Variants in ELOVL3 observed in about 807,000 individuals in gnomAD.
ELOVL3 encodes very long chain fatty acid elongase 3.
A neutral mutation model predicts 14.9 loss-of-function variants in ELOVL3; 11 were observed. The ratio of observed to expected loss-of-function variants is 0.74; its 90% confidence interval spans 0.46 to 1.22. The LOEUF is 1.22. Ranked by LOEUF, ELOVL3 falls within the 50% of genes most tolerant of loss-of-function variation. The probability of loss-of-function intolerance (pLI) is 0.00; values close to 1 mark genes in which losing one functional copy is unlikely to be tolerated. For missense variants in ELOVL3, 277 were observed against 338.9 expected, an observed-to-expected ratio of 0.82 and a Z score of 1.43; for synonymous variants, 117 against 124.7, an observed-to-expected ratio of 0.94 and a Z score of 0.41.
intron 1 of ELOVL3, among the ~76,000 whole-genome samples, chr10:102,227,225 T>A (rs997000955): frequency 6.6e-6 from 1 of 152,030 alleles, no homozygotes; most frequent in African/African-American, 2.4e-5. Context: ...ACATTCTTCT[T>A]ACGCCACAGC....
At chr10:102,228,304 C>T in intron 2 of ELOVL3, 113 bp from the exon 3 acceptor site, 1 of 1,146,082 alleles carries the variant, frequency 8.7e-7, no homozygotes, top group South Asian at 1.5e-5. Flanking sequence ...CCCCTGTGGA[C>T]AGGTGGGGAG....
chr10:102,228,387 C>T (rs895352411), intron 2 of ELOVL3, 30 bp from the exon 3 acceptor site: 3 of 1,609,220 alleles, frequency 1.9e-6, no homozygotes, highest in Non-Finnish European at 1.7e-6. Flanking sequence ...GGGGATGACA[C>T]TTACACCATC....
chr10:102,228,691 C>G (rs1397188027), intron 3 of ELOVL3, 123 bp downstream of exon 3: 2 of 1,422,870 alleles, frequency 1.4e-6, no homozygotes, highest in East Asian at 4.6e-5. Flanking sequence ...ACCTCTCACC[C>G]AAGCCCCTCT....
chr10:102,226,727 A>G lies in ELOVL3; in HGVS notation c.101+78A>G, dbSNP rs376518560. 133 of 980,742 alleles carry G rather than the reference A, an allele frequency of 1.4e-4. 1 individual carries two copies. In the African/African-American group the frequency reaches 1.8e-3, roughly 13 times the overall value. The allele number at this position is 980,742 out of a possible 1,614,324, so 60.8% of individuals were successfully genotyped here. On this transcript the variant is annotated intron_variant, in intron 1 of 3. Coordinates refer to ENST00000370005, the MANE Select transcript of ELOVL3 (RefSeq NM_152310.3). ...GAGGGGGTGGCATTGAATGCCCACA[A>G]TGATTTTCTTACAGAGCAGAGTTAT...
At position 102,226,424 on chromosome 10, in the gene ELOVL3, C is replaced by A; in HGVS notation, c.-125C>A. 1 of 652,572 alleles carries A rather than the reference C, an allele frequency of 1.5e-6. No homozygotes were observed. Among genetic ancestry groups the A allele is most frequent in the Non-Finnish European group, 2.6e-6 (1 of 377,674 alleles). The allele number at this position is 652,572 out of a possible 1,614,324, so 40.4% of individuals were successfully genotyped here. Reference sequence around the variant, plus strand: ...ATGCCTAGGTTCGACGCCCTCCTCCCTTTGCCCAGGAGTTCCTTCTGTCCC... The same window carrying A: ...ATGCCTAGGTTCGACGCCCTCCTCCATTTGCCCAGGAGTTCCTTCTGTCCC... On this transcript the variant is annotated 5_prime_UTR_variant, in exon 1 of 4. Coordinates refer to ENST00000370005, the MANE Select transcript of ELOVL3 (RefSeq NM_152310.3).
rs113292997 is a variant in ELOVL3 at position 102,226,368 on chromosome 10, G to A, written c.-181G>A. Reference sequence around the variant, plus strand: ...CCGCGTTATATATCGCAGTGGCTGCGCCCGGGATAGCTGGCTGCGCCGCCG... The same window carrying A: ...CCGCGTTATATATCGCAGTGGCTGCACCCGGGATAGCTGGCTGCGCCGCCG... On this transcript the variant is annotated 5_prime_UTR_variant, in exon 1 of 4. Coordinates refer to ENST00000370005, the MANE Select transcript of ELOVL3 (RefSeq NM_152310.3). The A allele has an allele frequency of 1.4e-3, 771 of 568,952 alleles. 4 individuals are homozygous for A. The highest frequency in any genetic ancestry group is 0.013 in the African/African-American group (677 of 52,418). The allele number at this position is 568,952 out of a possible 1,614,324, so 35.2% of individuals were successfully genotyped here.
In ELOVL3 at chr10:102,229,376, C is replaced by T; in HGVS notation, c.*124C>T. On this transcript the variant is annotated 3_prime_UTR_variant, in exon 4 of 4. Transcript: ENST00000370005. ...ATGGTTTCCCCAGAGGATGTGTGCC[C>T]CAAGGTGGCTGGAATTTTTGACAGA... 1.0e-6 allele frequency: 1 copy of T among 952,926 alleles called. No individual in the cohort carries two copies. Among genetic ancestry groups the T allele is most frequent in the Middle Eastern group, 3.0e-4 (1 of 3,298 alleles). 59.0% of individuals were successfully genotyped at this position (952,926 alleles called of 1,614,324 possible). A position where few individuals can be genotyped will look rare whatever the true frequency, so the allele number is the denominator to read the frequency against.
chr10:102,228,231 C>A (rs915081060), intron 2 of ELOVL3, among the ~76,000 whole-genome samples, 186 bp from the exon 3 acceptor site: 1 of 152,182 alleles, frequency 6.6e-6, no homozygotes, highest in African/African-American at 2.4e-5. Flanking sequence ...CAGCCCTCGT[C>A]TCCTCTAGAC....
In ELOVL3 at chr10:102,228,508, G is replaced by A. The variant is rs36103207; in HGVS notation, c.325G>A (p.Asp109Asn). 0.037 allele frequency: 59,861 copies of A among 1,614,008 alleles called. 1,288 individuals are homozygous for A. Among genetic ancestry groups the A allele is most frequent in the Non-Finnish European group, 0.042 (49,484 of 1,179,942 alleles). The change falls in exon 3 of 4, where the codon GAT becomes AAT. Residue 109 changes from aspartate (D) to asparagine (N), a missense_variant. Transcript: ENST00000370005. ...KQTVCFINFI[D>N]NSTVKFWSWV... ...AACCGTGTGCTTCATCAACTTCATC[G>A]ATAATTCCACAGTCAAATTCTGGTC... is the stretch of plus-strand genomic sequence containing the variant.
At chr10:102,228,355 G>A (rs1336359569) in intron 2 of ELOVL3, 62 bp from the exon 3 acceptor site, 7 of 1,569,968 alleles carry the variant, frequency 4.5e-6, no homozygotes, top group South Asian at 2.3e-5. Flanking sequence ...CAAGCCGGGG[G>A]AAGGGTGGAT....
chr10:102,226,759 C>T, intron 1 of ELOVL3, 110 bp downstream of exon 1: 2 of 728,956 alleles, frequency 2.7e-6, no homozygotes, highest in Non-Finnish European at 4.7e-6. Context: ...TTATGGGACT[C>T]CCTTGTACTG....
rs1031013684 is a variant in ELOVL3, at chr10:102,229,324, G to A, written c.*72G>A. ...CACCAAGAGGCTGGGCTTAGTTTTGGGAGAATGATTAGGTTGCCTTACCTG... is the reference window on the plus strand; with the variant it reads ...CACCAAGAGGCTGGGCTTAGTTTTGAGAGAATGATTAGGTTGCCTTACCTG... On this transcript the variant is annotated 3_prime_UTR_variant, in exon 4 of 4. Coordinates refer to ENST00000370005, the MANE Select transcript of ELOVL3 (RefSeq NM_152310.3). The A allele has an allele frequency of 2.8e-6, 4 of 1,441,284 alleles. No homozygotes were observed. The Admixed American group carries it at 8.7e-5, about 31-fold the overall frequency. 89.3% of individuals were successfully genotyped at this position (1,441,284 alleles called of 1,614,324 possible).
Position 102,226,590 on chromosome 10 carries a change from G to T in ELOVL3, c.42G>T (p.Leu14=), listed in dbSNP as rs747786133. Residue 14 remains leucine, a synonymous_variant, in exon 1 of 4, where the codon CTG becomes CTT. Transcript: ENST00000370005. Reference sequence around the variant, plus strand: ...ATGTCTCACATGAAGTAAATCAGCTGTTCCAGCCCTATAACTTCGAGCTGT... The same window carrying T: ...ATGTCTCACATGAAGTAAATCAGCTTTTCCAGCCCTATAACTTCGAGCTGT... The part of the protein sequence containing the change: ...AMNVSHEVNQ[L]FQPYNFELSK... 13 of 1,614,110 alleles carry T rather than the reference G, an allele frequency of 8.1e-6. No individual in the cohort carries two copies. The highest frequency in any genetic ancestry group is 1.1e-5 in the Non-Finnish European group (13 of 1,180,000).
intron 3 of ELOVL3, 57 bp from the exon 4 acceptor site, chr10:102,228,768 T>G: frequency 6.5e-7 from 1 of 1,534,858 alleles, no homozygotes. Context: ...CTACATCCAG[T>G]GCAGAGGGTG....
chr10:102,226,694 C>CCTGGCAT, intron 1 of ELOVL3, 45 bp downstream of exon 1: 1 of 1,457,532 alleles, frequency 6.9e-7, no homozygotes, highest in Non-Finnish European at 9.6e-7. Flanking sequence ...GCCCCGGGGC[C>CCTGGCAT]GGGGCGCGAG....
intron 2 of ELOVL3, among the ~76,000 whole-genome samples, 183 bp from the exon 3 acceptor site, chr10:102,228,234 C>T (rs975020679): frequency 6.6e-6 from 1 of 152,170 alleles, no homozygotes; most frequent in Non-Finnish European, 1.5e-5. Flanking sequence ...CCCTCGTCTC[C>T]TCTAGACTAC....
chr10:102,228,651 G>A lies in ELOVL3; in HGVS notation c.385+83G>A, dbSNP rs2070161218. 5 of 1,540,066 alleles carry A rather than the reference G, an allele frequency of 3.2e-6. No homozygotes were observed. In the East Asian group the frequency reaches 1.1e-4, roughly 35 times the overall value. The stretch of plus-strand genomic sequence containing the variant: ...CCTCCCTTCACCCATCCCATGGAGG[G>A]TCTCTTTCCTACCCTTGGGTCCCAA... On this transcript the variant is annotated intron_variant, in intron 3 of 3. Transcript: ENST00000370005.
At chr10:102,226,221 A>G (rs894533576), upstream of ELOVL3, 6 of 244,124 alleles carry the variant, frequency 2.5e-5, no homozygotes, top group Admixed American at 5.7e-5. Flanking sequence ...GCCCTTGAGT[A>G]TGACCAATCA....
Position 102,229,527 on chromosome 10 carries a change from AT to A in ELOVL3, c.*278del. The A allele has an allele frequency of 3.3e-6, 1 of 306,334 alleles. No homozygotes were observed. The highest frequency in any genetic ancestry group is 7.9e-5 in the South Asian group (1 of 12,736). The allele number at this position is 306,334 out of a possible 1,614,324, so 19.0% of individuals were successfully genotyped here. On this transcript the variant is annotated 3_prime_UTR_variant, in exon 4 of 4. Coordinates refer to ENST00000370005, the MANE Select transcript of ELOVL3 (RefSeq NM_152310.3). The stretch of plus-strand genomic sequence containing the variant: ...GAGGGTCCTAAGAGCTGATTATTTA[AT>A]TTCTATCCAGAAATCTTTCTTCTTC...
Sources: gnomAD v4.1 joint callset for allele counts (sites outside exome capture counted in the v4.1 genomes callset) on GRCh38, gnomAD v4.1.1 for gene constraint, MANE v1.5 for transcripts, NCBI Gene and HGNC (gene_info 2026-07-23, HGNC 2026-07-21) for gene names.